ADAMTS12: variants seen among roughly 807,000 people sequenced by gnomAD.
The protein encoded by ADAMTS12 is A disintegrin and metalloproteinase with thrombospondin motifs 12.
ADAMTS12 carries 118 observed loss-of-function variants against 167.8 expected under a neutral mutation model. The observed-to-expected ratio is 0.70, with a 90% CI of 0.61 to 0.82. ADAMTS12 has a LOEUF of 0.82. ADAMTS12 is among the 40% of genes least tolerant of loss of function. ADAMTS12 has a pLI of 0.00. For synonymous variants in ADAMTS12, 704 were observed against 716.9 expected (o/e 0.98, Z 0.29); for missense variants, 1,916 against 1,998.8 (o/e 0.96, Z 0.79).
intron 2 of ADAMTS12, among the ~76,000 whole-genome samples, chr5:33,767,499 A>G (rs1405781556): frequency 6.6e-6 from 1 of 152,194 alleles, no homozygotes; most frequent in Non-Finnish European, 1.5e-5. Context: ...TATAGAATGT[A>G]TTACAATGTT....
chr5:33,737,434 G>A (rs180773578), intron 3 of ADAMTS12, among the ~76,000 whole-genome samples: 32 of 152,308 alleles, frequency 2.1e-4, no homozygotes, highest in Non-Finnish European at 2.9e-4. Context: ...AGGGGAAAAC[G>A]GGGAGTTGTC....
At chr5:33,591,444 AATT>A (rs1333351628) in intron 17 of ADAMTS12, among the ~76,000 whole-genome samples, 1 of 152,206 alleles carries the variant, frequency 6.6e-6, no homozygotes, top group Non-Finnish European at 1.5e-5. Context: ...CAAATTTTAT[AATT>A]ATCATCTTTC....
At chr5:33,776,426 T>A (rs7725466) in intron 2 of ADAMTS12, among the ~76,000 whole-genome samples, 56,970 of 152,022 alleles carry the variant, frequency 0.37, 12,070 homozygotes, top group East Asian at 0.58. Flanking sequence ...AAAATTAGAA[T>A]ATTCACCAAT....
intron 3 of ADAMTS12, among the ~76,000 whole-genome samples, chr5:33,685,247 C>A (rs1742280209): frequency 6.6e-6 from 1 of 152,230 alleles, no homozygotes; most frequent in African/African-American, 2.4e-5. Context: ...TTGAAAACTT[C>A]CAGCAGGAGG....
intron 21 of ADAMTS12, among the ~76,000 whole-genome samples, chr5:33,547,491 G>C (rs764046277): frequency 1.3e-5 from 2 of 152,158 alleles, no homozygotes; most frequent in African/African-American, 2.4e-5. Flanking sequence ...ATGCTTGCCA[G>C]ATGGGTTCGT....
chr5:33,572,592 C>T (rs1027204668), intron 19 of ADAMTS12, among the ~76,000 whole-genome samples: 6 of 136,594 alleles, frequency 4.4e-5, no homozygotes, highest in Non-Finnish European at 6.3e-5. Flanking sequence ...ATTGATGGGA[C>T]GTATCTCAAA....
intron 18 of ADAMTS12, among the ~76,000 whole-genome samples, chr5:33,587,369 T>C (rs1351426345): frequency 6.6e-6 from 1 of 152,214 alleles, no homozygotes; most frequent in African/African-American, 2.4e-5. Context: ...TGACTTTCTG[T>C]GGCATTCTCC....
intron 7 of ADAMTS12, among the ~76,000 whole-genome samples, chr5:33,657,310 C>T (rs1741097207): frequency 6.6e-6 from 1 of 152,018 alleles, no homozygotes; most frequent in Non-Finnish European, 1.5e-5. Context: ...AAGAATATTC[C>T]CCAGCATTTT....
chr5:33,528,809 G>A (rs1045504101), intron 23 of ADAMTS12, among the ~76,000 whole-genome samples: 1 of 152,198 alleles, frequency 6.6e-6, no homozygotes, highest in African/African-American at 2.4e-5. Flanking sequence ...CACTTTGGGA[G>A]GCTGACGTGG....
intron 7 of ADAMTS12, among the ~76,000 whole-genome samples, chr5:33,654,953 T>A (rs1334696647): frequency 6.6e-6 from 1 of 151,258 alleles, no homozygotes; most frequent in East Asian, 1.9e-4. Context: ...GTCTGGCATA[T>A]ATGAGAGAAA....
chr5:33,690,822 C>T (rs1742523222), intron 3 of ADAMTS12, among the ~76,000 whole-genome samples: 1 of 152,152 alleles, frequency 6.6e-6, no homozygotes, highest in Non-Finnish European at 1.5e-5. Context: ...GATTTGCGGT[C>T]TGACCCCACA....
At chr5:33,679,436 C>T (rs1742030858) in intron 5 of ADAMTS12, among the ~76,000 whole-genome samples, 1 of 152,116 alleles carries the variant, frequency 6.6e-6, no homozygotes, top group African/African-American at 2.4e-5. Context: ...AAGGCACCTT[C>T]TTCACAAGGT....
intron 2 of ADAMTS12, among the ~76,000 whole-genome samples, chr5:33,820,198 T>C (rs1447213965): frequency 6.6e-6 from 1 of 152,196 alleles, no homozygotes; most frequent in Non-Finnish European, 1.5e-5. Flanking sequence ...CAATCAAAAA[T>C]TGAAATCACA....
intron 18 of ADAMTS12, among the ~76,000 whole-genome samples, chr5:33,583,872 C>T (rs2111991164): frequency 6.6e-6 from 1 of 152,246 alleles, no homozygotes; most frequent in Admixed American, 6.5e-5. Flanking sequence ...CTGAGGGTAA[C>T]ATTTAATTTT....
At chr5:33,832,600 T>G (rs1170648375) in intron 2 of ADAMTS12, among the ~76,000 whole-genome samples, 1 of 152,212 alleles carries the variant, frequency 6.6e-6, no homozygotes, top group Non-Finnish European at 1.5e-5. Flanking sequence ...GTGTACAATT[T>G]CTACCATCTG....
intron 3 of ADAMTS12, among the ~76,000 whole-genome samples, chr5:33,747,671 G>A (rs371854578): frequency 2.6e-5 from 4 of 152,152 alleles, no homozygotes; most frequent in Admixed American, 6.6e-5. Flanking sequence ...AGATTGGATC[G>A]AGTGTGAAAG....
intron 2 of ADAMTS12, among the ~76,000 whole-genome samples, chr5:33,762,970 T>G (rs1745408379): frequency 6.6e-6 from 1 of 152,202 alleles, no homozygotes; most frequent in Non-Finnish European, 1.5e-5. Context: ...GAGAAGGAGC[T>G]GATCTTTTAT....
At chr5:33,753,846 A>G (rs1025294818) in intron 2 of ADAMTS12, among the ~76,000 whole-genome samples, 3 of 152,174 alleles carry the variant, frequency 2.0e-5, no homozygotes, top group East Asian at 3.8e-4. Context: ...TTCAACCTCA[A>G]TATTTCTCAG....
chr5:33,721,322 A>C (rs1418670671), intron 3 of ADAMTS12, among the ~76,000 whole-genome samples: 1 of 152,188 alleles, frequency 6.6e-6, no homozygotes, highest in Non-Finnish European at 1.5e-5. Context: ...GAAAGTTTAC[A>C]AACTGTGCAC....
Sources: gnomAD v4.1 joint callset for allele counts (sites outside exome capture counted in the v4.1 genomes callset) on GRCh38, gnomAD v4.1.1 for gene constraint, MANE v1.5 for transcripts, NCBI Gene and HGNC (gene_info 2026-07-23, HGNC 2026-07-21) for gene names.